DMD: variants seen among roughly 807,000 people sequenced by gnomAD.
DMD encodes dystrophin.
Under a neutral mutation model 330.1 loss-of-function variants are expected in DMD, and 63 were observed. The ratio of observed to expected loss-of-function variants is 0.19; its 90% CI spans 0.16 to 0.24. The LOEUF is 0.24. Among genes scored for constraint, DMD ranks in the 10% least tolerant of loss-of-function variants. The probability of loss-of-function intolerance (pLI) is 1.00; values close to 1 mark genes in which losing one functional copy is unlikely to be tolerated. For missense variants in DMD, 3,344 were observed against 2,684.1 expected, an observed-to-expected ratio of 1.25 and a Z score of -5.43; for synonymous variants, 1,223 against 959.8, an observed-to-expected ratio of 1.27 and a Z score of -5.07.
intron 60 of DMD, among the ~76,000 whole-genome samples, chrX:31,379,912 T>A (rs770262595): frequency 1.3e-3 from 146 of 111,496 alleles, no homozygotes; most frequent in Non-Finnish European, 2.0e-3. Context: ...CCAGAGCCCC[T>A]GGAACTCTGG....
chrX:33,195,717 C>T, intron 1 of DMD, among the ~76,000 whole-genome samples: 1 of 90,764 alleles, frequency 1.1e-5, no homozygotes, highest in African/African-American at 3.8e-5. Flanking sequence ...TAGGATTATC[C>T]CATCCTGTTC....
chrX:32,705,580 G>A (rs1343916050), intron 7 of DMD, among the ~76,000 whole-genome samples: 3 of 111,629 alleles, frequency 2.7e-5, no homozygotes, highest in South Asian at 3.8e-4. Flanking sequence ...TCGGGAGGAC[G>A]AGGCAGGTGC....
At chrX:32,707,556 C>T (rs991148759) in intron 7 of DMD, among the ~76,000 whole-genome samples, 2 of 111,767 alleles carry the variant, frequency 1.8e-5, no homozygotes, top group Admixed American at 9.5e-5. Context: ...AAATTTCTGC[C>T]GTGTGCCCTA....
chrX:31,356,093 A>G (rs1569531827), intron 60 of DMD, among the ~76,000 whole-genome samples: 1 of 111,656 alleles, frequency 9.0e-6, no homozygotes, highest in East Asian at 2.8e-4. Flanking sequence ...TCCTGACATT[A>G]GGGCACTTAG....
chrX:33,207,126 T>C (rs1339067040), intron 1 of DMD, among the ~76,000 whole-genome samples: 1 of 111,534 alleles, frequency 9.0e-6, no homozygotes, highest in Admixed American at 9.6e-5. Flanking sequence ...TTCTCATTTG[T>C]CTGCTGCCTA....
At chrX:33,107,091 C>T (rs937206802) in intron 1 of DMD, among the ~76,000 whole-genome samples, 7 of 111,809 alleles carry the variant, frequency 6.3e-5, no homozygotes, top group Non-Finnish European at 1.3e-4. Flanking sequence ...GTGGGCGGAT[C>T]ACCTGAGGTC....
intron 55 of DMD, among the ~76,000 whole-genome samples, chrX:31,575,974 G>C (rs936331526): frequency 2.7e-5 from 3 of 111,821 alleles, no homozygotes; most frequent in African/African-American, 9.7e-5. Context: ...ACTAGTTACA[G>C]AGAAAAAGAT....
chrX:31,132,152 G>A (rs772402728), intron 77 of DMD, among the ~76,000 whole-genome samples: 37 of 112,086 alleles, frequency 3.3e-4, no homozygotes, highest in African/African-American at 1.1e-3. Context: ...AAATTCTTCC[G>A]TAAGCACTAA....
intron 15 of DMD, among the ~76,000 whole-genome samples, chrX:32,572,550 GTTT>G (rs34204984): frequency 8.3e-5 from 8 of 96,750 alleles, no homozygotes; most frequent in Admixed American, 2.3e-4. Flanking sequence ...AAACTTTAGA[GTTT>G]TTTTTTTTTT....
chrX:32,366,945 CT>C (rs1431679465), intron 34 of DMD, among the ~76,000 whole-genome samples: 1 of 112,243 alleles, frequency 8.9e-6, no homozygotes, highest in Non-Finnish European at 1.9e-5. Flanking sequence ...GCATGGGGTT[CT>C]TCATATGTAG....
chrX:33,239,871 C>T (rs1360857035), intron 1 of DMD, among the ~76,000 whole-genome samples: 3 of 110,785 alleles, frequency 2.7e-5, no homozygotes, highest in Non-Finnish European at 5.7e-5. Flanking sequence ...TGATGTCATA[C>T]GTGGAAAATT....
At chrX:32,570,465 T>C (rs2052283403) in intron 15 of DMD, among the ~76,000 whole-genome samples, 1 of 112,139 alleles carries the variant, frequency 8.9e-6, no homozygotes, top group South Asian at 3.7e-4. Context: ...ATTGACTTTC[T>C]TAAAAGAGCA....
chrX:31,348,196 T>A (rs2058203169), intron 61 of DMD: 2 of 215,988 alleles, frequency 9.3e-6, no homozygotes, highest in Admixed American at 1.4e-4. Flanking sequence ...ATGTTTTTGC[T>A]TCAGCAGCCC....
chrX:31,422,011 A>ATG (rs1368879033), intron 60 of DMD, among the ~76,000 whole-genome samples: 1 of 66,894 alleles, frequency 1.5e-5, no homozygotes, highest in Non-Finnish European at 2.4e-5. Context: ...ACATATATAT[A>ATG]TATATAAACA....
At chrX:32,935,910 T>A (rs756389187) in intron 2 of DMD, among the ~76,000 whole-genome samples, 1 of 111,482 alleles carries the variant, frequency 9.0e-6, no homozygotes, top group African/African-American at 3.3e-5. Context: ...TTTAATGATT[T>A]CACTAGAAAG....
chrX:31,997,059 A>G (rs909103466), intron 44 of DMD, among the ~76,000 whole-genome samples: 2 of 111,904 alleles, frequency 1.8e-5, no homozygotes, highest in East Asian at 5.7e-4. Context: ...TCCAATCAGA[A>G]GAACCTTAGT....
chrX:31,344,404 G>T (rs2057965749), intron 61 of DMD, among the ~76,000 whole-genome samples: 1 of 111,456 alleles, frequency 9.0e-6, no homozygotes, highest in Admixed American at 9.6e-5. Flanking sequence ...TGGTAAATTT[G>T]GTACAGCCAC....
At chrX:31,750,007 T>C (rs1205553588) in intron 51 of DMD, among the ~76,000 whole-genome samples, 5 of 109,859 alleles carry the variant, frequency 4.6e-5, no homozygotes, top group African/African-American at 1.3e-4. Context: ...TTTTTTCTTG[T>C]AAATTTGTTG....
intron 47 of DMD, among the ~76,000 whole-genome samples, chrX:31,920,343 T>G (rs775758824): frequency 8.9e-6 from 1 of 111,898 alleles, no homozygotes. Context: ...GGGTTAGAAT[T>G]TACAATATGT....
Sources: allele counts gnomAD v4.1 joint callset (sites outside exome capture counted in the v4.1 genomes callset), GRCh38; gene constraint gnomAD v4.1.1; transcripts MANE v1.5; gene names NCBI Gene and HGNC (gene_info 2026-07-23, HGNC 2026-07-21).